The following RGS7BP variants were observed in gnomAD, a reference collection of about 807,000 sequenced individuals.
RGS7BP encodes regulator of G protein signaling 7 binding protein.
A neutral mutation model predicts 31.3 loss-of-function variants in RGS7BP; 9 were observed. The ratio of observed to expected loss-of-function variants is 0.29; its 90% CI spans 0.17 to 0.50. The LOEUF (loss-of-function observed/expected upper bound fraction) is 0.50, where lower values mean the gene tolerates loss of function less well. RGS7BP is among the 20% of genes least tolerant of loss of function. The pLI is 0.98. For synonymous variants in RGS7BP, 115 were observed against 120.1 expected, an observed-to-expected ratio of 0.96 and a Z score of 0.28; for missense variants, 274 against 322.0, an observed-to-expected ratio of 0.85 and a Z score of 1.14.
At chr5:64,536,985 C>T (rs1191870386) in intron 2 of RGS7BP, among the ~76,000 whole-genome samples, 1 of 152,192 alleles carries the variant, frequency 6.6e-6, no homozygotes, top group Non-Finnish European at 1.5e-5. Flanking sequence ...GTGTGCATTG[C>T]AAGTATCTTC....
intron 3 of RGS7BP, among the ~76,000 whole-genome samples, chr5:64,582,069 A>G (rs993142669): frequency 2.1e-4 from 32 of 152,242 alleles, no homozygotes; most frequent in Non-Finnish European, 3.7e-4. Flanking sequence ...ACTTTAAGTT[A>G]TAGATTGAAG....
At chr5:64,529,081 A>G (rs375214262) in intron 2 of RGS7BP, among the ~76,000 whole-genome samples, 7 of 152,300 alleles carry the variant, frequency 4.6e-5, no homozygotes, top group African/African-American at 1.7e-4. Flanking sequence ...TAGCTTTAAC[A>G]ATCTGGGATA....
At chr5:64,524,528 AT>A (rs1338957745) in intron 2 of RGS7BP, among the ~76,000 whole-genome samples, 1 of 152,128 alleles carries the variant, frequency 6.6e-6, no homozygotes, top group Non-Finnish European at 1.5e-5. Flanking sequence ...TGAAAATTTA[AT>A]TTTTTCCTCT....
intron 2 of RGS7BP, among the ~76,000 whole-genome samples, chr5:64,528,850 A>T (rs1419844797): frequency 6.6e-6 from 1 of 150,456 alleles, no homozygotes; most frequent in African/African-American, 2.5e-5. Context: ...GGGAGGGAGG[A>T]TAATAATGGC....
intron 2 of RGS7BP, among the ~76,000 whole-genome samples, chr5:64,535,764 A>AT (rs1741335075): frequency 6.6e-6 from 1 of 152,212 alleles, no homozygotes. Flanking sequence ...TGGAGATTAA[A>AT]TGGTCCTGCC....
chr5:64,556,166 T>C (rs2111848652), intron 2 of RGS7BP, among the ~76,000 whole-genome samples: 2 of 152,200 alleles, frequency 1.3e-5, no homozygotes, highest in South Asian at 4.1e-4. Flanking sequence ...GCTATTTTTG[T>C]GTTTTTATTT....
At chr5:64,579,684 T>C (rs1742537905) in intron 3 of RGS7BP, among the ~76,000 whole-genome samples, 2 of 147,226 alleles carry the variant, frequency 1.4e-5, no homozygotes, top group Admixed American at 1.4e-4. Flanking sequence ...TGCATGAAAA[T>C]ATATACTAGA....
chr5:64,553,019 T>A (rs924275653), intron 2 of RGS7BP, among the ~76,000 whole-genome samples: 2 of 152,196 alleles, frequency 1.3e-5, no homozygotes, highest in Non-Finnish European at 2.9e-5. Flanking sequence ...GATTTGCACC[T>A]ACAACCTATA....
chr5:64,538,485 ATT>A (rs199619865), intron 2 of RGS7BP, among the ~76,000 whole-genome samples: 7 of 57,000 alleles, frequency 1.2e-4, no homozygotes, highest in African/African-American at 5.0e-4. Context: ...GCATGTAGCC[ATT>A]TTTTTTCCTT....
intron 2 of RGS7BP, among the ~76,000 whole-genome samples, chr5:64,571,540 T>C (rs535000885): frequency 1.6e-4 from 24 of 152,300 alleles, no homozygotes; most frequent in African/African-American, 5.3e-4. Context: ...CCACGAACAA[T>C]GTATGAGCAT....
At chr5:64,586,791 AAG>A (rs1742766204) in intron 3 of RGS7BP, among the ~76,000 whole-genome samples, 1 of 152,226 alleles carries the variant, frequency 6.6e-6, no homozygotes, top group Non-Finnish European at 1.5e-5. Flanking sequence ...TGTCAAAACA[AAG>A]AGAGTATAAT....
At chr5:64,521,480 C>T (rs1580392093) in intron 2 of RGS7BP, among the ~76,000 whole-genome samples, 1 of 152,206 alleles carries the variant, frequency 6.6e-6, no homozygotes, top group South Asian at 2.1e-4. Context: ...TGGTCTCAAA[C>T]TCCTGACCTC....
At position 64,586,038 on chromosome 5, in the gene RGS7BP, T is replaced by C. The variant is rs61055857; in HGVS notation, c.464-8672T>C. Among the ~76,000 whole-genome samples, 777 of 152,290 alleles carry C rather than the reference T, an allele frequency of 5.1e-3. 7 individuals are homozygous for C. Among genetic ancestry groups the C allele is most frequent in the African/African-American group, 0.018 (751 of 41,558 alleles). On this transcript the variant is annotated intron_variant, in intron 3 of 5. Transcript: ENST00000334025. ...TGATTTTAAATGTACAACAACTCCC[T>C]TGGGCAAAGCAAAACATTGACATGA...
chr5:64,544,760 T>C (rs1043693394), intron 2 of RGS7BP, among the ~76,000 whole-genome samples: 3 of 152,148 alleles, frequency 2.0e-5, no homozygotes, highest in Admixed American at 6.6e-5. Context: ...GAAGAACATA[T>C]ACAAAGGCTC....
In RGS7BP at chr5:64,609,831, C is replaced by T. The variant is rs1016642159; in HGVS notation, c.*579C>T. ...TTCTGTCAGAATCTAAGAGCTTCAA[C>T]ATAAAAGTATCTTAATTTATAAAGC... On this transcript the variant is annotated 3_prime_UTR_variant, in exon 6 of 6. Coordinates refer to ENST00000334025, the MANE Select transcript of RGS7BP (RefSeq NM_001029875.3). The T allele has an allele frequency of 2.6e-5, 4 of 152,566 alleles. No individual in the cohort carries two copies. Among genetic ancestry groups the T allele is most frequent in the African/African-American group, 9.6e-5 (4 of 41,544 alleles). 9.5% of individuals were successfully genotyped at this position (152,566 alleles called of 1,614,324 possible).
intron 2 of RGS7BP, among the ~76,000 whole-genome samples, chr5:64,574,468 G>A (rs778913692): frequency 2.0e-5 from 3 of 152,198 alleles, no homozygotes; most frequent in East Asian, 1.9e-4. Context: ...TGGCACCCAC[G>A]AGACACAAAT....
intron 2 of RGS7BP, among the ~76,000 whole-genome samples, chr5:64,546,891 T>C (rs1412273286): frequency 1.3e-5 from 2 of 152,164 alleles, no homozygotes; most frequent in African/African-American, 4.8e-5. Flanking sequence ...TGTAGAGCAT[T>C]TCCAGCACCC....
chr5:64,565,026 T>A (rs1476888175), intron 2 of RGS7BP, among the ~76,000 whole-genome samples: 1 of 152,148 alleles, frequency 6.6e-6, no homozygotes, highest in Non-Finnish European at 1.5e-5. Flanking sequence ...TTGGACCACA[T>A]GCCACTAGTA....
intron 2 of RGS7BP, among the ~76,000 whole-genome samples, chr5:64,537,811 A>G (rs1741413247): frequency 6.6e-6 from 1 of 152,214 alleles, no homozygotes; most frequent in Admixed American, 6.5e-5. Flanking sequence ...CTGCTCTGCT[A>G]TGCTGCTAAA....
Sources: allele counts gnomAD v4.1 joint callset (sites outside exome capture counted in the v4.1 genomes callset), GRCh38; gene constraint gnomAD v4.1.1; transcripts MANE v1.5; gene names NCBI Gene and HGNC (gene_info 2026-07-23, HGNC 2026-07-21).